Variants in WLS observed in about 807,000 individuals in gnomAD.
WLS encodes the protein Wnt ligand secretion mediator, also known as protein wntless homolog.
In WLS, 23 loss-of-function variants were observed where a neutral mutation model predicts 62.8. The observed-to-expected ratio is 0.37, with a 90% CI of 0.26 to 0.52. WLS has a LOEUF of 0.52. WLS is among the 20% of genes least tolerant of loss of function. WLS has a pLI of 0.92. For missense variants in WLS, 615 were observed against 697.3 expected (o/e 0.88, Z 1.33); for synonymous variants, 246 against 244.1 (o/e 1.01, Z -0.07).
chr1:68,181,863 C>T (rs180715231), intron 2 of WLS, among the ~76,000 whole-genome samples: 3 of 152,200 alleles, frequency 2.0e-5, no homozygotes, highest in Admixed American at 2.0e-4. Flanking sequence ...GCAAATACCA[C>T]TGAAATTTTA....
intron 11 of WLS, among the ~76,000 whole-genome samples, chr1:68,107,072 TTAAG>T (rs764214446): frequency 1.3e-5 from 2 of 152,170 alleles, no homozygotes; most frequent in African/African-American, 2.4e-5. Flanking sequence ...TTCCTACTAT[TTAAG>T]TAATTAATAT....
At chr1:68,134,418 A>G (rs189939254) in intron 11 of WLS, among the ~76,000 whole-genome samples, 61 of 152,302 alleles carry the variant, frequency 4.0e-4, no homozygotes, top group Non-Finnish European at 1.9e-4. Flanking sequence ...GAAATCACAG[A>G]TCATGTTACC....
downstream of WLS, among the ~76,000 whole-genome samples, chr1:68,123,106 C>T (rs181423885): frequency 2.6e-5 from 4 of 152,168 alleles, no homozygotes; most frequent in Non-Finnish European, 5.9e-5. Context: ...GACTAAAAAA[C>T]ACAAGTCTCC....
intron 11 of WLS, among the ~76,000 whole-genome samples, chr1:68,108,912 G>C (rs1015337015): frequency 2.0e-5 from 3 of 152,148 alleles, no homozygotes; most frequent in African/African-American, 7.2e-5. Flanking sequence ...GGAGGGGCCC[G>C]TGTTAGTAGA....
In WLS at chr1:68,149,680, C is replaced by T. The variant is rs377227359; in HGVS notation, c.972+508G>A. Among the ~76,000 whole-genome samples, 28 of 152,024 alleles carry T rather than the reference C, an allele frequency of 1.8e-4. 1 individual carries two copies. The highest frequency in any genetic ancestry group is 3.9e-4 in the Admixed American group (6 of 15,268). On this transcript the variant is annotated intron_variant, in intron 6 of 11. Coordinates refer to ENST00000262348, the MANE Select transcript of WLS (RefSeq NM_024911.7). ...TGGTGTCTGTGCAAACTGAGGAGACCGGGAAGGTCTGTATTTCAGAGTAAT... is the reference window on the plus strand; with the variant it reads ...TGGTGTCTGTGCAAACTGAGGAGACTGGGAAGGTCTGTATTTCAGAGTAAT...
intron 11 of WLS, among the ~76,000 whole-genome samples, chr1:68,130,118 A>T (rs1017940240): frequency 6.6e-6 from 1 of 152,206 alleles, no homozygotes; most frequent in Non-Finnish European, 1.5e-5. Flanking sequence ...CCTAATGAGG[A>T]TGAAGAAAGC....
chr1:68,162,428 C>T, intron 2 of WLS: 1 of 1,613,742 alleles, frequency 6.2e-7, no homozygotes, highest in Non-Finnish European at 8.5e-7. Flanking sequence ...CTCTGCACGC[C>T]CAGGGATCGC....
chr1:68,148,631 C>T lies in WLS; in HGVS notation c.1002G>A (p.Gly334=), dbSNP rs1328094531. 6 of 1,614,090 alleles carry T rather than the reference C, an allele frequency of 3.7e-6. No individual in the cohort carries two copies. The highest frequency in any genetic ancestry group is 5.1e-6 in the Non-Finnish European group (6 of 1,180,012). ...CAATGGGTCCGACTTGCTTCCAATA[C>T]CCTGCGATGTGGTTCCGCTCGTGCT... ...MDQHERNHIA[G]YWKQVGPIAV... is the part of the protein sequence containing the mutation. Residue 334 remains glycine, a synonymous_variant, in exon 7 of 12, where the codon GGG becomes GGA. Transcript: ENST00000262348.
intron 1 of WLS, chr1:68,231,950 C>A (rs890204222): frequency 1.2e-5 from 7 of 592,276 alleles, no homozygotes; most frequent in South Asian, 5.5e-5. Context: ...CCGCCGCCCC[C>A]CTCTTGCCTT....
chr1:68,161,155 T>C (rs1240850419), intron 2 of WLS, among the ~76,000 whole-genome samples: 2 of 152,208 alleles, frequency 1.3e-5, no homozygotes, highest in Admixed American at 6.5e-5. Flanking sequence ...AGAGGGTTTT[T>C]ACTGAACTTA....
At chr1:68,145,730 G>A (rs985283762) in intron 9 of WLS, 139 bp downstream of exon 9, 1 of 1,391,174 alleles carries the variant, frequency 7.2e-7, no homozygotes, top group Non-Finnish European at 9.6e-7. Flanking sequence ...CTCTAATTTT[G>A]CCCAGAGATC....
intron 1 of WLS, among the ~76,000 whole-genome samples, chr1:68,206,463 C>T (rs921223433): frequency 6.6e-6 from 1 of 152,174 alleles, no homozygotes; most frequent in African/African-American, 2.4e-5. Context: ...CCTCAGTTAA[C>T]ACTTGGTGAG....
rs1646484162 is a variant in WLS at position 68,129,336 on chromosome 1, A to AC, written c.1517-3002_1517-3001insG. 6.9e-5 allele frequency among the ~76,000 whole-genome samples: 10 copies of AC among 144,010 alleles called. 1 individual carries two copies. In the Admixed American group the frequency reaches 7.0e-4, roughly 10 times the overall value. 94.5% of individuals were successfully genotyped at this position (144,010 alleles called of 152,430 possible). ...TGTCTCAAAAACTAAACAAAACAAA[A>AC]AACTACACATAAAATAATTTGAATA... On this transcript the variant is annotated intron_variant, in intron 11 of 11. Coordinates refer to ENST00000262348, the MANE Select transcript of WLS (RefSeq NM_024911.7).
At chr1:68,142,071 G>A (rs996165981) in intron 10 of WLS, among the ~76,000 whole-genome samples, 2 of 152,192 alleles carry the variant, frequency 1.3e-5, no homozygotes, top group East Asian at 1.9e-4. Context: ...GAAAAGCCAC[G>A]GACTATGCTC....
At chr1:68,192,767 TTAAAA>T (rs1557510435) in intron 2 of WLS, among the ~76,000 whole-genome samples, 11 of 107,828 alleles carry the variant, frequency 1.0e-4, no homozygotes, top group Non-Finnish European at 1.1e-4. Flanking sequence ...ACTCTGTCTC[TTAAAA>T]AAAAAAAAAA....
At chr1:68,133,999 G>A (rs1169293350) in intron 11 of WLS, among the ~76,000 whole-genome samples, 5 of 152,196 alleles carry the variant, frequency 3.3e-5, no homozygotes, top group Non-Finnish European at 7.3e-5. Context: ...CAAAGCAAAG[G>A]AGAGAAAGAA....
In WLS at chr1:68,118,646, C is replaced by A. The variant is rs113124700; in HGVS notation, c.1510+19134G>T. 2.6e-5 allele frequency among the ~76,000 whole-genome samples: 4 copies of A among 151,328 alleles called. No homozygotes were observed. In the South Asian group the frequency reaches 8.4e-4, roughly 32 times the overall value. On this transcript the variant is annotated intron_variant, in intron 11 of 11. Coordinates refer to the WLS transcript ENST00000354777. ...ATCCCAACACTTTGGGAAGCCAAGA[C>A]GGGCAAATCACAAGGTCAGGAGTTC... is the stretch of plus-strand genomic sequence containing the variant.
At chr1:68,205,030 GCT>G (rs1399467852) in intron 1 of WLS, among the ~76,000 whole-genome samples, 3 of 152,132 alleles carry the variant, frequency 2.0e-5, no homozygotes, top group African/African-American at 7.2e-5. Context: ...TGTAAGTTAT[GCT>G]CAATGTAACT....
intron 2 of WLS, among the ~76,000 whole-genome samples, chr1:68,181,301 C>A (rs534162452): frequency 1.3e-5 from 2 of 152,210 alleles, no homozygotes; most frequent in Non-Finnish European, 1.5e-5. Context: ...CTGCTTCTGG[C>A]TTCTCTGCTC....
Sources: allele counts gnomAD v4.1 joint callset (sites outside exome capture counted in the v4.1 genomes callset), GRCh38; gene constraint gnomAD v4.1.1; transcripts MANE v1.5; gene names NCBI Gene and HGNC (gene_info 2026-07-23, HGNC 2026-07-21).